Variants in TDP1 observed in about 807,000 individuals in gnomAD.
The protein encoded by TDP1 is tyrosyl-DNA phosphodiesterase 1.
A neutral mutation model predicts 81.5 loss-of-function variants in TDP1; 64 were observed. The observed-to-expected ratio is 0.79, with a 90% CI of 0.64 to 0.97. The LOEUF (loss-of-function observed/expected upper bound fraction) is 0.97. TDP1 is among the 50% of genes least tolerant of loss of function. The pLI, the probability that TDP1 is intolerant of heterozygous loss-of-function variation, is 0.00. For synonymous variants in TDP1, 256 were observed against 264.3 expected (o/e 0.97, Z 0.30); for missense variants, 723 against 743.8 (o/e 0.97, Z 0.33).
intron 16 of TDP1, among the ~76,000 whole-genome samples, chr14:90,039,971 G>A (rs762072266): frequency 2.0e-5 from 3 of 152,132 alleles, no homozygotes; most frequent in South Asian, 2.1e-4. Context: ...CCCCTTTCCC[G>A]TTACATGGTA....
Position 90,013,928 on chromosome 14 carries a change from A to G in TDP1, c.1542-5388A>G, listed in dbSNP as rs140783030. ...CCCTTGCCTTCTGCCATGATTGTGA[A>G]GCCTCCCTAGCCATGTGGAACTGTG... On this transcript the variant is annotated intron_variant, in intron 14 of 16. Coordinates refer to ENST00000335725, the MANE Select transcript of TDP1 (RefSeq NM_018319.4). 1.1e-3 allele frequency among the ~76,000 whole-genome samples: 171 copies of G among 152,186 alleles called. 1 individual carries two copies. The highest frequency in any genetic ancestry group is 0.01 in the Middle Eastern group (3 of 294).
At chr14:90,039,050 G>C (rs1888105844) in intron 16 of TDP1, among the ~76,000 whole-genome samples, 1 of 151,958 alleles carries the variant, frequency 6.6e-6, no homozygotes. Context: ...TTTGTAATCA[G>C]GAAGCTTAAG....
rs1203871309 is a variant in TDP1 at position 89,973,322 on chromosome 14, CTAAA to C, written c.756+2053_756+2056del. Among the ~76,000 whole-genome samples the C allele has an allele frequency of 9.2e-5, 14 of 152,328 alleles. No homozygotes were observed. In the East Asian group the frequency reaches 1.9e-3, roughly 21 times the overall value. On this transcript the variant is annotated intron_variant, in intron 6 of 16. Transcript: ENST00000335725. ...ACACAGAAATCCTGAAAACCAGTGA[CTAAA>C]TGAATGGAAATAAAGTCTTTTTCAA...
intron 14 of TDP1, among the ~76,000 whole-genome samples, chr14:90,003,764 A>G (rs976412657): frequency 6.6e-6 from 1 of 152,220 alleles, no homozygotes; most frequent in Non-Finnish European, 1.5e-5. Context: ...TGGTGCTGCC[A>G]CTTCGGGAGA....
intron 16 of TDP1, chr14:90,042,802 T>A: frequency 2.6e-5 from 23 of 895,624 alleles, no homozygotes; most frequent in Non-Finnish European, 3.1e-5. Flanking sequence ...CCACGATATG[T>A]GGGAATTATG....
At chr14:89,989,325 T>C (rs1246494356) in intron 11 of TDP1, 1 of 985,272 alleles carries the variant, frequency 1.0e-6, no homozygotes, top group Non-Finnish European at 1.2e-6. Context: ...AGGAGCTCCA[T>C]TGCAGACACA....
At chr14:90,016,045 T>TC (rs1157146313) in intron 14 of TDP1, among the ~76,000 whole-genome samples, 1 of 149,920 alleles carries the variant, frequency 6.7e-6, no homozygotes, top group Non-Finnish European at 1.5e-5. Flanking sequence ...CCTTTTTTTT[T>TC]CTTTTTTTTT....
intron 10 of TDP1, 142 bp downstream of exon 10, chr14:89,985,352 T>C (rs1187047193): frequency 1.6e-6 from 1 of 611,636 alleles, no homozygotes; most frequent in Admixed American, 3.1e-5. Flanking sequence ...TTGATAATTA[T>C]AATTCTTAGT....
chr14:90,020,284 G>C (rs1359895913), intron 15 of TDP1, among the ~76,000 whole-genome samples: 2 of 148,806 alleles, frequency 1.3e-5, no homozygotes, highest in Non-Finnish European at 3.0e-5. Flanking sequence ...CTCACTGTGG[G>C]TACACACACA....
rs1480856771 is a variant in TDP1, at chr14:89,955,931, G to A, written c.-270G>A. On this transcript the variant is annotated 5_prime_UTR_variant, in exon 1 of 17. Transcript: ENST00000335725. The stretch of plus-strand genomic sequence containing the variant: ...CGCGCATGCGCGGCGGCCGCCGAAG[G>A]GGCGGGATCCGAGGCAAGCGTTGGT... 1 of 151,982 alleles carries A rather than the reference G, an allele frequency of 6.6e-6. No homozygotes were observed. The allele number at this position is 151,982 out of a possible 1,614,324, so 9.4% of individuals were successfully genotyped here.
chr14:89,984,212 A>G (rs1895311061), intron 8 of TDP1: 8 of 985,332 alleles, frequency 8.1e-6, no homozygotes, highest in Non-Finnish European at 9.6e-6. Flanking sequence ...CAGAGGTAAG[A>G]GGAGCAATAA....
chr14:89,974,856 G>A (rs1175452418), intron 6 of TDP1, among the ~76,000 whole-genome samples: 1 of 152,102 alleles, frequency 6.6e-6, no homozygotes, highest in Non-Finnish European at 1.5e-5. Context: ...TTCATAATCT[G>A]CATCTTGTGA....
chr14:90,037,676 G>A (rs1566933248), intron 16 of TDP1, among the ~76,000 whole-genome samples: 1 of 152,108 alleles, frequency 6.6e-6, no homozygotes, highest in Non-Finnish European at 1.5e-5. Context: ...AGTAGCAAAC[G>A]TGATGTCCTT....
At chr14:90,031,247 A>T in intron 15 of TDP1, among the ~76,000 whole-genome samples, 1 of 140,236 alleles carries the variant, frequency 7.1e-6, no homozygotes, top group African/African-American at 2.6e-5. Context: ...TCCTAAAGCT[A>T]TCCCTCCCCC....
Position 89,964,310 on chromosome 14 carries a change from C to T in TDP1, c.559+637C>T, listed in dbSNP as rs35760476. The stretch of plus-strand genomic sequence containing the variant: ...CTCCTTATTCCTCAGGGAGCACCTG[C>T]AGGAGGAAGAGCAGGAGCTCTAGAA... On this transcript the variant is annotated intron_variant, in intron 3 of 16. Coordinates refer to ENST00000335725, the MANE Select transcript of TDP1 (RefSeq NM_018319.4). Among the ~76,000 whole-genome samples, 57 of 152,356 alleles carry T rather than the reference C, an allele frequency of 3.7e-4. No homozygotes were observed. The East Asian group carries it at 0.01, about 28-fold the overall frequency.
rs12894756 is a variant in TDP1 at position 90,033,990 on chromosome 14, C to T, written c.1753+776C>T. On this transcript the variant is annotated intron_variant, in intron 16 of 16. Coordinates refer to ENST00000335725, the MANE Select transcript of TDP1 (RefSeq NM_018319.4). ...GCTGAGGTAGAAGAATCGCTTGAGC[C>T]CAGGAGTTTGAGGCTGCAGTGAGCT... Among the ~76,000 whole-genome samples, 458 of 152,124 alleles carry T rather than the reference C, an allele frequency of 3.0e-3. 2 individuals carry two copies. The highest frequency in any genetic ancestry group is 5.2e-3 in the Non-Finnish European group (351 of 67,990).
intron 10 of TDP1, chr14:89,988,448 T>C (rs1386149099): frequency 3.2e-6 from 1 of 311,082 alleles, no homozygotes; most frequent in Non-Finnish European, 4.7e-6. Flanking sequence ...CTCATTAACA[T>C]ACAGAAAGAC....
At chr14:89,994,876 C>G (rs1332942726) in intron 14 of TDP1, among the ~76,000 whole-genome samples, 2 of 152,154 alleles carry the variant, frequency 1.3e-5, no homozygotes, top group Non-Finnish European at 2.9e-5. Context: ...TGGGAAAATA[C>G]ACAGGATTTT....
intron 16 of TDP1, among the ~76,000 whole-genome samples, chr14:90,034,435 A>C (rs1887619855): frequency 6.6e-6 from 1 of 152,312 alleles, no homozygotes; most frequent in East Asian, 1.9e-4. Context: ...GTAGAAACAC[A>C]ATAGGAATAG....
Sources: gnomAD v4.1 joint callset for allele counts (sites outside exome capture counted in the v4.1 genomes callset) on GRCh38, gnomAD v4.1.1 for gene constraint, MANE v1.5 for transcripts, NCBI Gene and HGNC (gene_info 2026-07-23, HGNC 2026-07-21) for gene names.